Variants in CELF4 observed in about 807,000 individuals in gnomAD.
CELF4 encodes the protein CUG-BP- and ETR-3-like factor 4.
In CELF4, 18 loss-of-function variants were observed where a neutral mutation model predicts 59.9. That is an observed-to-expected ratio of 0.30 (90% confidence interval 0.21 to 0.45). CELF4 has a LOEUF of 0.45. Ranked by LOEUF, CELF4 falls within the 20% of genes least tolerant of loss-of-function variation. The probability of loss-of-function intolerance (pLI) is 1.00; values close to 1 mark genes in which losing one functional copy is unlikely to be tolerated. For missense variants in CELF4, 456 were observed against 689.0 expected (o/e 0.66, Z 3.79); for synonymous variants, 261 against 267.1 (o/e 0.98, Z 0.22).
intron 1 of CELF4, among the ~76,000 whole-genome samples, chr18:37,505,378 C>T (rs904673171): frequency 1.3e-5 from 2 of 152,222 alleles, no homozygotes; most frequent in Non-Finnish European, 2.9e-5. Flanking sequence ...TGGAAAAGCT[C>T]CAAACCCTTC....
intron 3 of CELF4, among the ~76,000 whole-genome samples, chr18:37,278,652 G>A (rs537309467): frequency 2.6e-4 from 39 of 152,322 alleles, no homozygotes; most frequent in East Asian, 5.8e-4. Flanking sequence ...GGGTTTCTCC[G>A]TGCAGGAGGA....
rs200680800 is a variant in CELF4, at chr18:37,273,029, C to T, written c.936G>A (p.Met312Ile). The T allele has an allele frequency of 2.2e-5, 35 of 1,610,356 alleles. No individual in the cohort carries two copies. Among genetic ancestry groups the T allele is most frequent in the East Asian group, 1.8e-4 (8 of 44,846 alleles). ...CTGCCAGCTCACCTGAGGTTGGGGT[C>T]ATAGGTGCGGCCGCCAGGCCATTCA... ...LNMNGLAAAPMTPTSGGSTPP... is the reference protein window; with the variant it reads ...LNMNGLAAAPITPTSGGSTPP... Residue 312 changes from methionine to isoleucine, a missense_variant, in exon 7 of 13, where the codon ATG becomes ATA. Physicochemically the swap from Met to Ile is conservative, Grantham distance 10. This residue lies in a region of CELF4 where 256 missense variants were observed against 340.8 expected (regional missense o/e 0.75). Transcript: ENST00000420428.
chr18:37,249,134 G>C (rs984060551), intron 12 of CELF4, among the ~76,000 whole-genome samples: 2 of 152,128 alleles, frequency 1.3e-5, no homozygotes, highest in African/African-American at 2.4e-5. Context: ...TTCCAACACT[G>C]GATCTCCTTC....
chr18:37,429,471 G>C (rs1603638680), intron 2 of CELF4, among the ~76,000 whole-genome samples: 1 of 152,146 alleles, frequency 6.6e-6, no homozygotes, highest in African/African-American at 2.4e-5. Context: ...GTGTGCCTAT[G>C]TGTGCCAGCG....
At chr18:37,551,460 C>T (rs1272832730) in intron 1 of CELF4, among the ~76,000 whole-genome samples, 5 of 152,178 alleles carry the variant, frequency 3.3e-5, no homozygotes, top group Non-Finnish European at 7.3e-5. Flanking sequence ...TGGGACCTGG[C>T]AATATTTTTC....
At chr18:37,304,482 G>A (rs1448702913) in intron 3 of CELF4, among the ~76,000 whole-genome samples, 1 of 152,218 alleles carries the variant, frequency 6.6e-6, no homozygotes, top group Non-Finnish European at 1.5e-5. Flanking sequence ...GAGGTAACCT[G>A]GGAGGGCTTC....
At chr18:37,546,214 G>A (rs777226543) in intron 1 of CELF4, among the ~76,000 whole-genome samples, 7 of 152,104 alleles carry the variant, frequency 4.6e-5, no homozygotes, top group East Asian at 3.9e-4. Flanking sequence ...ACCCGAGCCC[G>A]TCGCAGCCCA....
At chr18:37,417,361 G>A (rs985780582) in intron 2 of CELF4, among the ~76,000 whole-genome samples, 1 of 152,206 alleles carries the variant, frequency 6.6e-6, no homozygotes, top group Admixed American at 6.5e-5. Context: ...ATGGCCCAGA[G>A]ACAGAGCACT....
chr18:37,264,842 G>A, intron 9 of CELF4, 85 bp from the exon 10 acceptor site: 3 of 1,198,624 alleles, frequency 2.5e-6, no homozygotes, highest in Non-Finnish European at 3.6e-6. Context: ...AGTGCAGGCA[G>A]TAAAAGCAGA....
At chr18:37,387,041 C>A (rs1002580487) in intron 2 of CELF4, among the ~76,000 whole-genome samples, 2 of 152,232 alleles carry the variant, frequency 1.3e-5, no homozygotes, top group Non-Finnish European at 2.9e-5. Context: ...GAGCCTGCTG[C>A]GCTGTGGAGG....
At chr18:37,342,884 TC>T (rs2098109362) in intron 2 of CELF4, among the ~76,000 whole-genome samples, 2 of 151,928 alleles carry the variant, frequency 1.3e-5, no homozygotes, top group East Asian at 1.9e-4. Flanking sequence ...GTGGGTGGTG[TC>T]CCCCCCAACC....
intron 3 of CELF4, among the ~76,000 whole-genome samples, chr18:37,290,328 A>G (rs1168512971): frequency 6.6e-6 from 1 of 152,190 alleles, no homozygotes; most frequent in Non-Finnish European, 1.5e-5. Flanking sequence ...CTATTTTTCA[A>G]ATGCATCTAG....
chr18:37,385,354 C>CAAAAAAAAAAA (rs34504926), intron 2 of CELF4, among the ~76,000 whole-genome samples: 1 of 100,510 alleles, frequency 9.9e-6, no homozygotes, highest in African/African-American at 3.7e-5. Flanking sequence ...GACTCCATCT[C>CAAAAAAAAAAA]AAAAAAAAAA....
chr18:37,349,274 C>T (rs919510636), intron 2 of CELF4, among the ~76,000 whole-genome samples: 2 of 152,232 alleles, frequency 1.3e-5, no homozygotes, highest in Non-Finnish European at 2.9e-5. Flanking sequence ...GGATGTCCCT[C>T]CTATCTGTGG....
At chr18:37,353,767 CT>C (rs35838731) in intron 2 of CELF4, among the ~76,000 whole-genome samples, 42,528 of 90,634 alleles carry the variant, frequency 0.47, 8,900 homozygotes, top group South Asian at 0.55. Flanking sequence ...GCAGTTCTTT[CT>C]TTTTTTTTTT....
rs34181233 is a variant in CELF4 at position 37,557,997 on chromosome 18, C to CTTTT, written c.286+7355_286+7358dup. ...GATGGTCCTGAAAACATCCCTTTTA[C>CTTTT]TTTTTTTTTTTTTTTTTTTTTTGAG... On this transcript the variant is annotated intron_variant, in intron 1 of 12. Transcript: ENST00000420428. Among the ~76,000 whole-genome samples the CTTTT allele has an allele frequency of 7.6e-3, 762 of 100,660 alleles. 10 individuals carry two copies. Among genetic ancestry groups the CTTTT allele is most frequent in the Non-Finnish European group, 9.9e-3 (531 of 53,424 alleles). The allele number at this position is 100,660 out of a possible 152,430, so 66.0% of individuals were successfully genotyped here.
chr18:37,300,467 C>T (rs2095947089), intron 3 of CELF4, among the ~76,000 whole-genome samples: 1 of 152,166 alleles, frequency 6.6e-6, no homozygotes, highest in Non-Finnish European at 1.5e-5. Flanking sequence ...TCAGGTGATC[C>T]TCCCGCCTCG....
At chr18:37,341,198 G>A (rs1314457463) in intron 2 of CELF4, among the ~76,000 whole-genome samples, 1 of 152,220 alleles carries the variant, frequency 6.6e-6, no homozygotes, top group African/African-American at 2.4e-5. Flanking sequence ...CTCCATGGGT[G>A]TGGCTGTGTG....
intron 12 of CELF4, among the ~76,000 whole-genome samples, chr18:37,252,040 G>A (rs920040653): frequency 6.6e-6 from 1 of 152,188 alleles, no homozygotes; most frequent in Non-Finnish European, 1.5e-5. Context: ...GAAGGCCCCT[G>A]CTCTCTGAGG....
Sources: allele counts gnomAD v4.1 joint callset (sites outside exome capture counted in the v4.1 genomes callset), GRCh38; gene constraint gnomAD v4.1.1; regional missense constraint gnomAD v4.1.1; transcripts MANE v1.5; gene names NCBI Gene and HGNC (gene_info 2026-07-23, HGNC 2026-07-21).